COL5A1: variants seen among roughly 807,000 people sequenced by gnomAD.
The protein encoded by COL5A1 is collagen alpha-1(V) chain.
Under a neutral mutation model 263.7 loss-of-function variants are expected in COL5A1, and 16 were observed. The ratio of observed to expected loss-of-function variants is 0.06; its 90% CI spans 0.04 to 0.09. COL5A1 has a LOEUF of 0.09. Among genes scored for constraint, COL5A1 ranks in the 10% least tolerant of loss-of-function variants. COL5A1 has a pLI of 1.00. For missense variants in COL5A1, 2,036 were observed against 2,540.5 expected (o/e 0.80, Z 4.27); for synonymous variants, 1,012 against 1,004.5 (o/e 1.01, Z -0.14).
intron 52 of COL5A1, 80 bp downstream of exon 52, chr9:134,816,068 C>T (rs565808255): frequency 2.3e-4 from 319 of 1,371,328 alleles, no homozygotes; most frequent in Non-Finnish European, 3.1e-4. Flanking sequence ...TGACTCATTT[C>T]TGGGAAAAAC....
Position 134,817,770 on chromosome 9 carries a change from T to G in COL5A1, c.4177-8T>G, listed in dbSNP as rs1838818747. 1.2e-6 allele frequency: 2 copies of G among 1,611,696 alleles called. No individual in the cohort carries two copies. Among genetic ancestry groups the G allele is most frequent in the Non-Finnish European group, 1.7e-6 (2 of 1,179,066 alleles). On this transcript the variant is annotated splice_polypyrimidine_tract_variant and splice_region_variant and intron_variant, in intron 53 of 65. Transcript: ENST00000371817. ...ACTCACCACCTGCTGTTCTCTTGCT[T>G]CTTTCAGGGTCCCCCAGGCCCCGCA...
chr9:134,710,091 C>T (rs563185500), intron 4 of COL5A1, among the ~76,000 whole-genome samples: 7 of 152,310 alleles, frequency 4.6e-5, no homozygotes, highest in South Asian at 2.1e-4. Flanking sequence ...CCCAGCCCTC[C>T]GCCCATCCTT....
At chr9:134,825,946 TCACA>T (rs1564488294) in intron 63 of COL5A1, 42 bp downstream of exon 63, 1 of 1,348,724 alleles carries the variant, frequency 7.4e-7, no homozygotes, top group Non-Finnish European at 1.1e-6. Context: ...GGGGCAGGCG[TCACA>T]GACAGGGCCA....
intron 65 of COL5A1, 134 bp downstream of exon 65, chr9:134,835,338 A>C: frequency 1.3e-6 from 1 of 755,464 alleles, no homozygotes; most frequent in Non-Finnish European, 2.2e-6. Flanking sequence ...CTCTCGCCCC[A>C]GGCAGCCCCA....
At chr9:134,802,190 T>C (rs778803065) in intron 38 of COL5A1, among the ~76,000 whole-genome samples, 183 bp downstream of exon 38, 11 of 152,202 alleles carry the variant, frequency 7.2e-5, no homozygotes, top group Admixed American at 2.0e-4. Flanking sequence ...CAAGCACAGA[T>C]GTGTTTGCCC....
chr9:134,740,757 C>A (rs1022190383), intron 11 of COL5A1, among the ~76,000 whole-genome samples: 1 of 152,046 alleles, frequency 6.6e-6, no homozygotes, highest in East Asian at 1.9e-4. Context: ...GGTGGGTGGC[C>A]CTGCCAGTGC....
At chr9:134,769,962 G>A (rs1332482347) in intron 25 of COL5A1, among the ~76,000 whole-genome samples, 1 of 152,164 alleles carries the variant, frequency 6.6e-6, no homozygotes, top group Non-Finnish European at 1.5e-5. Flanking sequence ...CAAAGAATTG[G>A]GGTCCCTAAA....
chr9:134,708,636 T>C (rs748137343), intron 4 of COL5A1: 2 of 518,692 alleles, frequency 3.9e-6, no homozygotes, highest in African/African-American at 3.8e-5. Flanking sequence ...CACCAGCAGG[T>C]GAAGGGCAGA....
At position 134,741,576 on chromosome 9, in the gene COL5A1, G is replaced by A. The variant is rs538116374; in HGVS notation, c.1494+2768G>A. Among the ~76,000 whole-genome samples, 14 of 152,066 alleles carry A rather than the reference G, an allele frequency of 9.2e-5. No homozygotes were observed. The highest frequency in any genetic ancestry group is 2.9e-4 in the African/African-American group (12 of 41,460). On this transcript the variant is annotated intron_variant, in intron 11 of 65. Transcript: ENST00000371817. This position sits in a 1 kb window ranked among gnomAD's most constrained non-coding sequence, Gnocchi z 4.5. ...GCCTCCCTCTCAGGTGATAAGGGGCGCTCTCCAAATCCTGGTACAGAAGCA... is the reference window on the plus strand; with the variant it reads ...GCCTCCCTCTCAGGTGATAAGGGGCACTCTCCAAATCCTGGTACAGAAGCA...
Position 134,813,792 on chromosome 9 carries a change from C to T in COL5A1, c.3853-191C>T, listed in dbSNP as rs950814083. Among the ~76,000 whole-genome samples the T allele has an allele frequency of 2.6e-5, 4 of 152,248 alleles. No individual in the cohort carries two copies. In the South Asian group the frequency reaches 6.2e-4, roughly 24 times the overall value. On this transcript the variant is annotated intron_variant, in intron 48 of 65. Coordinates refer to ENST00000371817, the MANE Select transcript of COL5A1 (RefSeq NM_000093.5). ...TGGACACTCTGCCCTGTATCCATCACGTGCCTGCCACATTCCTCACGCACC... is the reference window on the plus strand; with the variant it reads ...TGGACACTCTGCCCTGTATCCATCATGTGCCTGCCACATTCCTCACGCACC...
At chr9:134,708,374 T>G in intron 4 of COL5A1, 1 of 347,004 alleles carries the variant, frequency 2.9e-6, no homozygotes. Flanking sequence ...AAGTCCCTGC[T>G]GCTGCCTGGC....
chr9:134,761,359 C>T (rs1388000426), intron 18 of COL5A1, among the ~76,000 whole-genome samples: 1 of 152,190 alleles, frequency 6.6e-6, no homozygotes, highest in Non-Finnish European at 1.5e-5. Context: ...GTAAGCATGC[C>T]CTGCAGCCCT....
intron 1 of COL5A1, among the ~76,000 whole-genome samples, chr9:134,663,879 G>A (rs146952535): frequency 3.6e-4 from 55 of 152,348 alleles, no homozygotes; most frequent in African/African-American, 1.2e-3. Context: ...GCAAGGGCAG[G>A]GGTGTTGAGG....
At chr9:134,654,511 C>A (rs1479309785) in intron 1 of COL5A1, among the ~76,000 whole-genome samples, 1 of 79,372 alleles carries the variant, frequency 1.3e-5, no homozygotes, top group African/African-American at 5.2e-5. Context: ...GTGTGTAGGG[C>A]TGGAGGTGTG....
intron 4 of COL5A1, among the ~76,000 whole-genome samples, chr9:134,706,181 G>A (rs1172280278): frequency 6.6e-6 from 1 of 152,198 alleles, no homozygotes; most frequent in Non-Finnish European, 1.5e-5. Flanking sequence ...GTCCTGGGAA[G>A]TTCTCATCCC....
At chr9:134,815,713 G>T in intron 51 of COL5A1, 84 bp downstream of exon 51, 1 of 1,486,976 alleles carries the variant, frequency 6.7e-7, no homozygotes, top group Non-Finnish European at 9.3e-7. Flanking sequence ...CTTTCTGGTG[G>T]TTCTTTGTGA....
intron 13 of COL5A1, 33 bp downstream of exon 13, chr9:134,750,915 G>A (rs754323677): frequency 6.3e-7 from 1 of 1,585,116 alleles, no homozygotes; most frequent in East Asian, 2.2e-5. Context: ...AGGCCTGAAG[G>A]GGACAGAGCC....
chr9:134,705,429 C>T lies in COL5A1; in HGVS notation c.654+4096C>T, dbSNP rs114892652. On this transcript the variant is annotated intron_variant, in intron 4 of 65. Coordinates refer to ENST00000371817, the MANE Select transcript of COL5A1 (RefSeq NM_000093.5). ...CCTGAGTCTGGTTCTAGTGGGGCAG[C>T]CTTGCCATGCAGGGGAGGTGGGACA... Among the ~76,000 whole-genome samples, 550 of 152,352 alleles carry T rather than the reference C, an allele frequency of 3.6e-3. 2 individuals carry two copies. The highest frequency in any genetic ancestry group is 0.013 in the African/African-American group (533 of 41,594).
chr9:134,820,762 C>T lies in COL5A1; in HGVS notation c.4554+539C>T, dbSNP rs554192276. On this transcript the variant is annotated intron_variant, in intron 58 of 65. Coordinates refer to ENST00000371817, the MANE Select transcript of COL5A1 (RefSeq NM_000093.5). ...CAACTCTGAGTGACTTGGAAGTGGC[C>T]TGGGGAGGGTGACGTGTGCCATGGA... 2.6e-5 allele frequency among the ~76,000 whole-genome samples: 4 copies of T among 152,236 alleles called. No homozygotes were observed. In the East Asian group the frequency reaches 7.7e-4, roughly 29 times the overall value.
Sources: allele counts gnomAD v4.1 joint callset (sites outside exome capture counted in the v4.1 genomes callset), GRCh38; gene constraint gnomAD v4.1.1; non-coding constraint Gnocchi (gnomAD v3.1); transcripts MANE v1.5; gene names NCBI Gene and HGNC (gene_info 2026-07-23, HGNC 2026-07-21).